RANBP17: variants seen among roughly 807,000 people sequenced by gnomAD.
RANBP17 encodes RAN binding protein 17.
Under a neutral mutation model 141.2 loss-of-function variants are expected in RANBP17, and 158 were observed. The observed-to-expected ratio is 1.12, with a 90% CI of 0.98 to 1.28. The LOEUF is 1.28. Among genes scored for constraint, RANBP17 ranks in the 50% most tolerant of loss-of-function variants. The pLI is 0.00. For missense variants in RANBP17, 1,438 were observed against 1,290.7 expected (o/e 1.11, Z -1.75); for synonymous variants, 430 against 450.0 (o/e 0.96, Z 0.56).
chr5:170,951,554 A>G (rs1775214299), intron 12 of RANBP17, among the ~76,000 whole-genome samples: 1 of 152,138 alleles, frequency 6.6e-6, no homozygotes, highest in African/African-American at 2.4e-5. Context: ...ATCTAATGAG[A>G]CATAAAGTAG....
chr5:171,185,466 C>G (rs1251115701), intron 18 of RANBP17, among the ~76,000 whole-genome samples: 1 of 152,252 alleles, frequency 6.6e-6, no homozygotes, highest in African/African-American at 2.4e-5. Context: ...TCAATCCTCT[C>G]AAACTCTGCT....
intron 25 of RANBP17, among the ~76,000 whole-genome samples, chr5:171,290,352 A>T (rs1768416860): frequency 1.3e-5 from 2 of 151,710 alleles, no homozygotes; most frequent in African/African-American, 4.8e-5. Context: ...TGGGCAACAG[A>T]GTAAGACTCC....
intron 13 of RANBP17, among the ~76,000 whole-genome samples, chr5:170,959,107 A>G (rs577246094): frequency 6.6e-6 from 1 of 152,328 alleles, no homozygotes; most frequent in South Asian, 2.1e-4. Flanking sequence ...TAGTAGATTG[A>G]GTGCTAGCTT....
intron 12 of RANBP17, among the ~76,000 whole-genome samples, chr5:170,943,783 G>A (rs1774531164): frequency 6.6e-6 from 1 of 151,902 alleles, no homozygotes; most frequent in Admixed American, 6.6e-5. Context: ...TAAGGTGTAC[G>A]GCATGATGTT....
chr5:171,178,158 T>C (rs1190151255), intron 16 of RANBP17, among the ~76,000 whole-genome samples: 1 of 150,336 alleles, frequency 6.7e-6, no homozygotes, highest in African/African-American at 2.5e-5. Context: ...CTCCTAATGC[T>C]ATCCCTCCCC....
intron 14 of RANBP17, among the ~76,000 whole-genome samples, chr5:171,005,594 C>A (rs944306548): frequency 2.3e-4 from 35 of 152,114 alleles, no homozygotes; most frequent in Admixed American, 2.6e-4. Context: ...AAAATTAATT[C>A]AAGATGGATT....
At chr5:171,186,918 A>G (rs1252019787) in intron 18 of RANBP17, among the ~76,000 whole-genome samples, 2 of 151,966 alleles carry the variant, frequency 1.3e-5, no homozygotes, top group Non-Finnish European at 2.9e-5. Context: ...ATTTTCTTCA[A>G]TAATTTTTCC....
At chr5:171,023,213 A>G (rs1781000022) in intron 14 of RANBP17, among the ~76,000 whole-genome samples, 1 of 152,222 alleles carries the variant, frequency 6.6e-6, no homozygotes, top group Non-Finnish European at 1.5e-5. Flanking sequence ...TTCTGTTTCT[A>G]GTCGGCCATC....
rs554786365 is a variant in RANBP17 at position 171,051,710 on chromosome 5, A to G, written c.1710+83333A>G. ...ATGTTGCTGTAAACATTTTTTTACA[A>G]GTTACCATGTGGACATATATTTTCA... On this transcript the variant is annotated intron_variant, in intron 14 of 27. Coordinates refer to ENST00000523189, the MANE Select transcript of RANBP17 (RefSeq NM_022897.5). Among the ~76,000 whole-genome samples, 3 of 152,238 alleles carry G rather than the reference A, an allele frequency of 2.0e-5. No individual in the cohort carries two copies. The South Asian group carries it at 6.2e-4, about 32-fold the overall frequency.
At chr5:171,258,280 G>A (rs1455237399) in intron 24 of RANBP17, among the ~76,000 whole-genome samples, 3 of 152,008 alleles carry the variant, frequency 2.0e-5, no homozygotes, top group East Asian at 1.9e-4. Context: ...CTCATGGATC[G>A]GAAGAATATT....
intron 14 of RANBP17, among the ~76,000 whole-genome samples, chr5:171,096,844 ACT>A (rs1350434254): frequency 1.3e-5 from 2 of 152,118 alleles, no homozygotes; most frequent in African/African-American, 2.4e-5. Flanking sequence ...CAACAACAAA[ACT>A]CTGTGAAGAA....
chr5:171,277,595 G>T (rs1767577404), intron 25 of RANBP17, among the ~76,000 whole-genome samples: 1 of 119,762 alleles, frequency 8.3e-6, no homozygotes, highest in Admixed American at 1.0e-4. Flanking sequence ...TCAATTATAT[G>T]CTAGGCTGTG....
chr5:171,087,270 A>G (rs1480545247), intron 14 of RANBP17, among the ~76,000 whole-genome samples: 17 of 152,082 alleles, frequency 1.1e-4, no homozygotes, highest in African/African-American at 3.6e-4. Flanking sequence ...GTAGTTGTGC[A>G]GCTTTGAGTG....
At position 170,968,295 on chromosome 5, in the gene RANBP17, A is replaced by G; in HGVS notation, c.1628A>G (p.Glu543Gly). 3 of 1,608,508 alleles carry G rather than the reference A, an allele frequency of 1.9e-6. No homozygotes were observed. Among genetic ancestry groups the G allele is most frequent in the Non-Finnish European group, 2.5e-6 (3 of 1,177,484 alleles). ...MDTGLPRCCN[E>G]KIELAILWFL... The stretch of plus-strand genomic sequence containing the variant: ...ACCGGATTGCCTCGATGTTGTAATG[A>G]GAAAATAGAGCTTGCAATTCTGTGG... The change falls in exon 14 of 28, where the codon GAG becomes GGG. Residue 543 changes from glutamate (E) to glycine (G), a missense_variant. Physicochemically the swap from Glu to Gly is moderately conservative, Grantham distance 98. Coordinates refer to ENST00000523189, the MANE Select transcript of RANBP17 (RefSeq NM_022897.5).
intron 24 of RANBP17, among the ~76,000 whole-genome samples, chr5:171,264,493 C>T (rs1341862856): frequency 6.6e-6 from 1 of 152,160 alleles, no homozygotes; most frequent in Non-Finnish European, 1.5e-5. Flanking sequence ...AGCTGTGTGA[C>T]AATGGACAAG....
chr5:171,246,534 A>T (rs1265555486), intron 24 of RANBP17, among the ~76,000 whole-genome samples: 1 of 152,208 alleles, frequency 6.6e-6, no homozygotes, highest in Non-Finnish European at 1.5e-5. Flanking sequence ...CAGGAGGGCA[A>T]ATTCTCATAG....
At chr5:170,964,095 C>T (rs1218348812) in intron 13 of RANBP17, among the ~76,000 whole-genome samples, 3 of 151,840 alleles carry the variant, frequency 2.0e-5, no homozygotes, top group Non-Finnish European at 2.9e-5. Context: ...ATTATCTTGT[C>T]TGTGTGTATA....
At chr5:171,075,947 G>A (rs912641898) in intron 14 of RANBP17, among the ~76,000 whole-genome samples, 2 of 151,520 alleles carry the variant, frequency 1.3e-5, no homozygotes, top group African/African-American at 4.9e-5. Context: ...AGTGAGACTT[G>A]TGAAAAAAAA....
intron 1 of RANBP17, among the ~76,000 whole-genome samples, chr5:170,865,444 A>C (rs1767168641): frequency 6.6e-6 from 1 of 152,116 alleles, no homozygotes; most frequent in Non-Finnish European, 1.5e-5. Context: ...GCAGATTCCA[A>C]AGGTTGTGTC....
Sources: allele counts gnomAD v4.1 joint callset (sites outside exome capture counted in the v4.1 genomes callset), GRCh38; gene constraint gnomAD v4.1.1; transcripts MANE v1.5; gene names NCBI Gene and HGNC (gene_info 2026-07-23, HGNC 2026-07-21).